The following PIBF1 variants were observed in gnomAD, a reference collection of about 807,000 sequenced individuals.
PIBF1 encodes progesterone immunomodulatory binding factor 1.
PIBF1 carries 90 observed loss-of-function variants against 112.5 expected under a neutral mutation model. The ratio of observed to expected loss-of-function variants is 0.80; its 90% confidence interval spans 0.67 to 0.95. The LOEUF is 0.95. Ranked by LOEUF, PIBF1 falls within the 40% of genes least tolerant of loss-of-function variation. The probability of loss-of-function intolerance (pLI) is 0.00; values close to 1 mark genes in which losing one functional copy is unlikely to be tolerated. For synonymous variants in PIBF1, 301 were observed against 288.6 expected, an observed-to-expected ratio of 1.04 and a Z score of -0.44; for missense variants, 915 against 852.3, an observed-to-expected ratio of 1.07 and a Z score of -0.92.
chr13:72,875,105 T>TA (rs1242809605), intron 10 of PIBF1, among the ~76,000 whole-genome samples: 5 of 152,236 alleles, frequency 3.3e-5, no homozygotes, highest in Admixed American at 3.3e-4. Context: ...CATTACTATA[T>TA]TATTTTACTG....
chr13:73,007,338 C>A, intron 17 of PIBF1, among the ~76,000 whole-genome samples: 1 of 150,280 alleles, frequency 6.7e-6, no homozygotes. Flanking sequence ...ACTCTGTCAC[C>A]CAGGCTGGAG....
intron 13 of PIBF1, among the ~76,000 whole-genome samples, chr13:72,923,323 A>G (rs2041364531): frequency 1.3e-5 from 2 of 152,206 alleles, no homozygotes; most frequent in African/African-American, 2.4e-5. Flanking sequence ...GCCAAAACCA[A>G]TAACCTGTAT....
In PIBF1 at chr13:72,917,075, G is replaced by T; in HGVS notation, c.1640-1G>T. 2 of 1,561,048 alleles carry T rather than the reference G, an allele frequency of 1.3e-6. No individual in the cohort carries two copies. Among genetic ancestry groups the T allele is most frequent in the Non-Finnish European group, 1.7e-6 (2 of 1,147,336 alleles). Reference sequence around the variant, plus strand: ...ACATTATACACTTTAATATTTTCCAGTTGAAAATGAAGATGAGGCTGAAAG... The same window carrying T: ...ACATTATACACTTTAATATTTTCCATTTGAAAATGAAGATGAGGCTGAAAG... On this transcript the variant is annotated splice_acceptor_variant, in intron 12 of 17. Coordinates refer to ENST00000326291, the MANE Select transcript of PIBF1 (RefSeq NM_006346.4). LOFTEE classifies it high-confidence loss of function.
At chr13:73,001,816 G>T (rs2043880249) in intron 17 of PIBF1, among the ~76,000 whole-genome samples, 1 of 151,870 alleles carries the variant, frequency 6.6e-6, no homozygotes, top group Non-Finnish European at 1.5e-5. Context: ...TAGAGGCAAG[G>T]TTTCACCATG....
chr13:72,999,573 T>C (rs112944022), intron 17 of PIBF1, among the ~76,000 whole-genome samples: 5 of 152,314 alleles, frequency 3.3e-5, no homozygotes, highest in African/African-American at 1.2e-4. Flanking sequence ...TCTGATATTC[T>C]GATTCAGTGA....
chr13:72,948,028 TGA>T (rs1209942667), intron 14 of PIBF1, among the ~76,000 whole-genome samples: 1 of 151,094 alleles, frequency 6.6e-6, no homozygotes, highest in Non-Finnish European at 1.5e-5. Flanking sequence ...AGTTAAACAA[TGA>T]GAACACATGG....
intron 15 of PIBF1, among the ~76,000 whole-genome samples, chr13:72,968,214 T>C (rs9530123): frequency 0.11 from 16,757 of 152,054 alleles, 1,262 homozygotes; most frequent in Non-Finnish European, 0.17. Flanking sequence ...ATCAGTGCTG[T>C]CCAGTATGGT....
chr13:72,805,650 G>A, intron 5 of PIBF1, among the ~76,000 whole-genome samples: 1 of 152,162 alleles, frequency 6.6e-6, no homozygotes, highest in African/African-American at 2.4e-5. Flanking sequence ...AAAAAAACAT[G>A]ACTAGATGGT....
chr13:72,844,764 C>CGGATGAAGTCTTACTGTTT lies in PIBF1; in HGVS notation c.1224-9293_1224-9292insGGATGAAGTCTTACTGTTT, dbSNP rs368403113. ...ACACACACACACACACACACACACA[C>CGGATGAAGTCTTACTGTTT]ACACACACACACACACACACACACA... On this transcript the variant is annotated intron_variant, in intron 9 of 17. Transcript: ENST00000326291. Among the ~76,000 whole-genome samples the CGGATGAAGTCTTACTGTTT allele has an allele frequency of 6.3e-3, 680 of 107,526 alleles. 1 individual carries two copies. Among genetic ancestry groups the CGGATGAAGTCTTACTGTTT allele is most frequent in the Middle Eastern group, 0.016 (3 of 190 alleles). 70.5% of individuals were successfully genotyped at this position (107,526 alleles called of 152,430 possible).
intron 14 of PIBF1, among the ~76,000 whole-genome samples, chr13:72,933,986 C>T (rs2138783160): frequency 6.6e-6 from 1 of 152,208 alleles, no homozygotes; most frequent in African/African-American, 2.4e-5. Context: ...GTAGTGAGTT[C>T]TGGACTTTTG....
At chr13:72,839,239 G>T (rs190132444) in intron 9 of PIBF1, among the ~76,000 whole-genome samples, 1 of 152,164 alleles carries the variant, frequency 6.6e-6, no homozygotes, top group Non-Finnish European at 1.5e-5. Context: ...AATGGGCCAG[G>T]TTGGAAAAGT....
chr13:72,788,462 TC>T (rs1399358359), intron 2 of PIBF1, among the ~76,000 whole-genome samples: 2 of 152,226 alleles, frequency 1.3e-5, no homozygotes. Flanking sequence ...AAGTGATTAC[TC>T]CTTGATCGCA....
At chr13:72,903,178 C>A (rs1024633698) in intron 11 of PIBF1, among the ~76,000 whole-genome samples, 1 of 152,148 alleles carries the variant, frequency 6.6e-6, no homozygotes, top group African/African-American at 2.4e-5. Context: ...GGATTACAGG[C>A]GTGAGCCACC....
At chr13:72,804,631 A>T (rs1006281469) in intron 5 of PIBF1, among the ~76,000 whole-genome samples, 1 of 152,082 alleles carries the variant, frequency 6.6e-6, no homozygotes, top group Admixed American at 6.6e-5. Context: ...ATTTTCATTT[A>T]TGTGGCCCAC....
chr13:72,784,914 C>T (rs992211866), intron 2 of PIBF1, among the ~76,000 whole-genome samples: 6 of 151,792 alleles, frequency 4.0e-5, no homozygotes, highest in African/African-American at 1.5e-4. Context: ...GCTCTGTCAC[C>T]CAGGCTGGAG....
chr13:72,932,667 A>G lies in PIBF1; in HGVS notation c.1833+1400A>G, dbSNP rs142702932. Among the ~76,000 whole-genome samples, 539 of 152,346 alleles carry G rather than the reference A, an allele frequency of 3.5e-3. 2 individuals carry two copies. Among genetic ancestry groups the G allele is most frequent in the African/African-American group, 0.012 (510 of 41,580 alleles). ...ATTGTCAGCAGCATACCAGTACTTA[A>G]TGTTTGCACCATACAGATACAACAG... is the stretch of plus-strand genomic sequence containing the variant. On this transcript the variant is annotated intron_variant, in intron 14 of 17. Coordinates refer to ENST00000326291, the MANE Select transcript of PIBF1 (RefSeq NM_006346.4).
At chr13:72,901,065 A>G (rs760624802) in intron 11 of PIBF1, 1 of 445,866 alleles carries the variant, frequency 2.2e-6, no homozygotes, top group South Asian at 1.6e-5. Context: ...AAAGCTAAAT[A>G]GCTGGGACCT....
At chr13:72,896,723 G>A (rs896691870) in intron 11 of PIBF1, among the ~76,000 whole-genome samples, 2 of 152,044 alleles carry the variant, frequency 1.3e-5, no homozygotes, top group African/African-American at 2.4e-5. Flanking sequence ...CAAGGTCTTC[G>A]AATTAACCCA....
chr13:72,944,430 A>T (rs2042093791), intron 14 of PIBF1, among the ~76,000 whole-genome samples: 1 of 137,930 alleles, frequency 7.3e-6, no homozygotes, highest in Admixed American at 7.8e-5. Flanking sequence ...AGCCTAGGTG[A>T]CAGAGCAAGA....
Sources: allele counts gnomAD v4.1 joint callset (sites outside exome capture counted in the v4.1 genomes callset), GRCh38; gene constraint gnomAD v4.1.1; transcripts MANE v1.5; gene names NCBI Gene and HGNC (gene_info 2026-07-23, HGNC 2026-07-21).